DRD3: variants seen among roughly 807,000 people sequenced by gnomAD.
DRD3 encodes the protein dopamine receptor D3.
Under a neutral mutation model 36.3 loss-of-function variants are expected in DRD3, and 19 were observed. The ratio of observed to expected loss-of-function variants is 0.52; its 90% CI spans 0.36 to 0.77. DRD3 has a LOEUF of 0.77. DRD3 is among the 30% of genes least tolerant of loss of function. The pLI is 0.00. For synonymous variants in DRD3, 195 were observed against 203.7 expected, an observed-to-expected ratio of 0.96 and a Z score of 0.36; for missense variants, 465 against 505.3, an observed-to-expected ratio of 0.92 and a Z score of 0.77.
chr3:114,128,640 C>G lies in DRD3; in HGVS notation c.*76G>C. 1 of 1,434,074 alleles carries G rather than the reference C, an allele frequency of 7.0e-7. No individual in the cohort carries two copies. Among genetic ancestry groups the G allele is most frequent in the South Asian group, 1.5e-5 (1 of 67,330 alleles). The allele number at this position is 1,434,074 out of a possible 1,614,324, so 88.8% of individuals were successfully genotyped here. On this transcript the variant is annotated 3_prime_UTR_variant, in exon 7 of 7. Coordinates refer to ENST00000383673, the MANE Select transcript of DRD3 (RefSeq NM_000796.6). ...TCTTCCTACTGCATGCCGGAGGACA[C>G]TGCACAGTCTTTCTGAGTGGGCCAA... is the stretch of plus-strand genomic sequence containing the variant.
intron 1 of DRD3, among the ~76,000 whole-genome samples, chr3:114,195,426 T>G (rs975483332): frequency 6.6e-6 from 1 of 152,152 alleles, no homozygotes; most frequent in East Asian, 1.9e-4. Flanking sequence ...AGTGTGAATA[T>G]CAAAATGAGA....
chr3:114,173,705 A>T (rs1410550989), intron 1 of DRD3, among the ~76,000 whole-genome samples: 1 of 152,244 alleles, frequency 6.6e-6, no homozygotes, highest in Non-Finnish European at 1.5e-5. Flanking sequence ...CTTAAATTCA[A>T]ACTTGGCCTT....
At chr3:114,168,402 C>T (rs940289091) in intron 2 of DRD3, among the ~76,000 whole-genome samples, 2 of 152,190 alleles carry the variant, frequency 1.3e-5, no homozygotes, top group Admixed American at 6.5e-5. Flanking sequence ...CAATTCCCCA[C>T]CCCTACATCT....
rs1050556935 is a variant in DRD3, at chr3:114,139,689, G to A, written c.534C>T (p.Pro178=). Residue 178 remains proline, a synonymous_variant, in exon 5 of 7, where the codon CCC becomes CCT. Coordinates refer to ENST00000383673, the MANE Select transcript of DRD3 (RefSeq NM_000796.6). The part of the protein sequence containing the change: ...LLFGFNTTGD[P]TVCSISNPDF... ...CAGGGTTGGAGATGGAGCAGACAGT[G>A]GGGTCCCCTGTGGATGAGAAGGGGG... 1.2e-6 allele frequency: 2 copies of A among 1,613,888 alleles called. No homozygotes were observed. The highest frequency in any genetic ancestry group is 1.3e-5 in the African/African-American group (1 of 75,040).
rs781432566 is a variant in DRD3 at position 114,131,363 on chromosome 3, C to T, written c.761G>A (p.Arg254His). 5.6e-6 allele frequency: 9 copies of T among 1,614,164 alleles called. No individual in the cohort carries two copies. The highest frequency in any genetic ancestry group is 3.3e-5 in the South Asian group (3 of 91,080). Residue 254 changes from arginine (R) to histidine (H), a missense_variant, in exon 6 of 7, where the codon CGT becomes CAT. Transcript: ENST00000383673. ...SPDPAHLELK[R>H]YYSICQDTAL... Reference sequence around the variant, plus strand: ...AGTGTCCTGGCAGATGCTGTAGTAACGCTTCAGCTCCAGATGTGCCGGGTC... The same window carrying T: ...AGTGTCCTGGCAGATGCTGTAGTAATGCTTCAGCTCCAGATGTGCCGGGTC...
rs951319357 is a variant in DRD3, at chr3:114,184,389, C to T, written c.-155-5613G>A. 7.2e-5 allele frequency among the ~76,000 whole-genome samples: 11 copies of T among 152,166 alleles called. No homozygotes were observed. In the East Asian group the frequency reaches 2.1e-3, roughly 29 times the overall value. On this transcript the variant is annotated intron_variant, in intron 1 of 7. Transcript: ENST00000460779. The stretch of plus-strand genomic sequence containing the variant: ...AAAAAACAAAACATGGAGCCACAAA[C>T]CAAAGTTACAATAATGTTAGCTTTT...
intron 3 of DRD3, among the ~76,000 whole-genome samples, chr3:114,153,725 G>C (rs1311180376): frequency 6.6e-6 from 1 of 152,192 alleles, no homozygotes; most frequent in Non-Finnish European, 1.5e-5. Flanking sequence ...GAGTAAGGGA[G>C]TGTGCTGTAA....
chr3:114,155,665 A>G (rs1256218334), intron 3 of DRD3, among the ~76,000 whole-genome samples: 2 of 151,746 alleles, frequency 1.3e-5, no homozygotes, highest in African/African-American at 2.4e-5. Flanking sequence ...TTTCATTTCC[A>G]CACCCTTGCG....
At chr3:114,197,947 T>C (rs530644503) in intron 1 of DRD3, among the ~76,000 whole-genome samples, 8 of 152,218 alleles carry the variant, frequency 5.3e-5, no homozygotes, top group Admixed American at 1.3e-4. Context: ...CATATGAACT[T>C]TAAAACCAGC....
chr3:114,147,535 C>G lies in DRD3; in HGVS notation c.406G>C (p.Val136Leu). The G allele has an allele frequency of 6.2e-7, 1 of 1,613,724 alleles. No homozygotes were observed. The highest frequency in any genetic ancestry group is 1.1e-5 in the South Asian group (1 of 91,058). ...IDRYTAVVMPVHYQHGTGQSS... is the reference protein window; with the variant it reads ...IDRYTAVVMPLHYQHGTGQSS... Reference sequence around the variant, plus strand: ...TGTCCCGTGCCATGCTGGTAGTGAACGGGCATGACCACTGCAGTGTACCTG... The same window carrying G: ...TGTCCCGTGCCATGCTGGTAGTGAAGGGGCATGACCACTGCAGTGTACCTG... The change falls in exon 4 of 7, where the codon GTT (valine) becomes CTT (leucine). Residue 136 changes from valine (V) to leucine (L), a missense_variant. Physicochemically the swap from Val to Leu is conservative, Grantham distance 32. Coordinates refer to ENST00000383673, the MANE Select transcript of DRD3 (RefSeq NM_000796.6).
intron 3 of DRD3, among the ~76,000 whole-genome samples, chr3:114,157,018 CTTTCTTTCTTTT>C (rs1559991466): frequency 1.5e-5 from 2 of 132,704 alleles, no homozygotes; most frequent in East Asian, 2.1e-4. Context: ...CTCTTTCTTT[CTTTCTTTCTTTT>C]TTTCTTTCTC....
chr3:114,181,005 T>C (rs981118754), upstream of DRD3, among the ~76,000 whole-genome samples: 1 of 152,204 alleles, frequency 6.6e-6, no homozygotes, highest in Non-Finnish European at 1.5e-5. Context: ...TTCTTTAACA[T>C]TTGAAGACAT....
At chr3:114,138,612 G>A (rs1169908380) in intron 5 of DRD3, among the ~76,000 whole-genome samples, 3 of 152,132 alleles carry the variant, frequency 2.0e-5, no homozygotes, top group Non-Finnish European at 4.4e-5. Context: ...AATTCAAGAT[G>A]AGATTTGGGT....
chr3:114,144,736 C>T (rs993860991), intron 4 of DRD3, among the ~76,000 whole-genome samples: 1 of 152,152 alleles, frequency 6.6e-6, no homozygotes, highest in African/African-American at 2.4e-5. Flanking sequence ...TGGAACCTGA[C>T]ACTTTAACAC....
chr3:114,177,588 G>A (rs1266221335), intron 1 of DRD3, among the ~76,000 whole-genome samples: 2 of 152,132 alleles, frequency 1.3e-5, no homozygotes, highest in Non-Finnish European at 2.9e-5. Flanking sequence ...ATCTGATATT[G>A]AGTAGAAACT....
At chr3:114,151,410 A>T (rs2077616550) in intron 3 of DRD3, among the ~76,000 whole-genome samples, 1 of 152,164 alleles carries the variant, frequency 6.6e-6, no homozygotes, top group South Asian at 2.1e-4. Flanking sequence ...AATGGCTAAC[A>T]ACAGGCTCTG....
chr3:114,196,392 G>A (rs528897291), intron 1 of DRD3, among the ~76,000 whole-genome samples: 1 of 152,176 alleles, frequency 6.6e-6, no homozygotes, highest in South Asian at 2.1e-4. Flanking sequence ...ATAGCTCACT[G>A]AAGCCTGCAG....
At chr3:114,180,120 T>C (rs867461230), upstream of DRD3, among the ~76,000 whole-genome samples, 1 of 151,982 alleles carries the variant, frequency 6.6e-6, no homozygotes, top group Non-Finnish European at 1.5e-5. Flanking sequence ...AAGAAGAAAA[T>C]TTAAACTTCC....
At chr3:114,129,405 T>C (rs1444565950) in intron 6 of DRD3, among the ~76,000 whole-genome samples, 1 of 152,136 alleles carries the variant, frequency 6.6e-6, no homozygotes, top group Non-Finnish European at 1.5e-5. Context: ...TAGCCAAACT[T>C]TTTTAGGTGA....
Sources: allele counts gnomAD v4.1 joint callset (sites outside exome capture counted in the v4.1 genomes callset), GRCh38; gene constraint gnomAD v4.1.1; transcripts MANE v1.5; gene names NCBI Gene and HGNC (gene_info 2026-07-23, HGNC 2026-07-21).